The following REEP3 variants were observed in gnomAD, a reference collection of about 807,000 sequenced individuals.
REEP3 encodes receptor accessory protein 3, also known as receptor expression-enhancing protein 3.
REEP3 carries 20 observed loss-of-function variants against 41.3 expected under a neutral mutation model. The observed-to-expected ratio is 0.48, with a 90% CI of 0.34 to 0.70. REEP3 has a LOEUF of 0.70. Among genes scored for constraint, REEP3 ranks in the 30% least tolerant of loss-of-function variants. REEP3 has a pLI of 0.01. For synonymous variants in REEP3, 104 were observed against 101.8 expected, an observed-to-expected ratio of 1.02 and a Z score of -0.13; for missense variants, 271 against 308.8, an observed-to-expected ratio of 0.88 and a Z score of 0.92.
In REEP3 at chr10:63,521,498, C is replaced by G. The variant is rs1454857210; in HGVS notation, c.-48C>G. 9.0e-6 allele frequency: 12 copies of G among 1,331,190 alleles called. No homozygotes were observed. The Admixed American group carries it at 1.2e-4, about 13-fold the overall frequency. The allele number at this position is 1,331,190 out of a possible 1,614,324, so 82.5% of individuals were successfully genotyped here. ...CTGCCGTTGGCGGCCTGGTCCGCAG[C>G]GCCCTGCGCCCACCCGCCCCGGACG... On this transcript the variant is annotated 5_prime_UTR_variant, in exon 1 of 8. Coordinates refer to ENST00000373758, the MANE Select transcript of REEP3 (RefSeq NM_001001330.3).
chr10:63,598,292 CA>C, intron 4 of REEP3, 148 bp downstream of exon 4: 1 of 475,766 alleles, frequency 2.1e-6, no homozygotes, highest in Non-Finnish European at 3.7e-6. Flanking sequence ...CCAGCCTGGC[CA>C]ACATGGTGAA....
intron 1 of REEP3, among the ~76,000 whole-genome samples, chr10:63,557,635 G>C (rs905901210): frequency 6.6e-6 from 1 of 152,140 alleles, no homozygotes; most frequent in Non-Finnish European, 1.5e-5. Flanking sequence ...TGGCACCTTA[G>C]AGCTGCATTT....
chr10:63,606,168 A>G, intron 5 of REEP3: 1 of 825,308 alleles, frequency 1.2e-6, no homozygotes, highest in Non-Finnish European at 1.5e-6. Flanking sequence ...TAAAGTGCTG[A>G]AATATGGAAT....
intron 5 of REEP3, among the ~76,000 whole-genome samples, chr10:63,602,116 A>G (rs550951558): frequency 6.6e-6 from 1 of 151,792 alleles, no homozygotes; most frequent in Non-Finnish European, 1.5e-5. Context: ...TGAAAAAGGA[A>G]AAAAAAAGGC....
chr10:63,543,238 T>G (rs1955545864), intron 1 of REEP3, among the ~76,000 whole-genome samples: 1 of 152,214 alleles, frequency 6.6e-6, no homozygotes, highest in Non-Finnish European at 1.5e-5. Context: ...CTGTTCTACA[T>G]TGGTTTTCTT....
At chr10:63,540,526 A>G (rs543582507) in intron 1 of REEP3, among the ~76,000 whole-genome samples, 2 of 152,324 alleles carry the variant, frequency 1.3e-5, no homozygotes, top group East Asian at 3.9e-4. Context: ...TCTGAAAAGG[A>G]TGGGGAAGGG....
chr10:63,599,658 A>G (rs1589883742), intron 5 of REEP3: 7 of 982,466 alleles, frequency 7.1e-6, no homozygotes, highest in Admixed American at 1.2e-4. Context: ...GTCAATGGCA[A>G]TATCTTGGTA....
intron 2 of REEP3, among the ~76,000 whole-genome samples, chr10:63,585,593 GT>G (rs1452110766): frequency 4.6e-5 from 7 of 152,042 alleles, no homozygotes; most frequent in Non-Finnish European, 1.0e-4. Context: ...CATGTCAAAG[GT>G]TTTGTTTGTA....
intron 6 of REEP3, among the ~76,000 whole-genome samples, chr10:63,619,091 C>T (rs1007243453): frequency 1.3e-5 from 2 of 152,244 alleles, no homozygotes; most frequent in African/African-American, 4.8e-5. Flanking sequence ...TAGCAGCTAA[C>T]ATCCCCATCC....
At chr10:63,524,980 C>T (rs933718207) in intron 1 of REEP3, among the ~76,000 whole-genome samples, 3 of 149,886 alleles carry the variant, frequency 2.0e-5, no homozygotes, top group Non-Finnish European at 3.0e-5. Flanking sequence ...CCACTGCACT[C>T]CAGCCTGGGC....
At chr10:63,592,867 T>G (rs1956077876) in intron 2 of REEP3, among the ~76,000 whole-genome samples, 1 of 152,138 alleles carries the variant, frequency 6.6e-6, no homozygotes, top group Non-Finnish European at 1.5e-5. Context: ...CACTCCACCC[T>G]GGGCGACAGA....
In REEP3 at chr10:63,532,547, A is replaced by G. The variant is rs113406227; in HGVS notation, c.32+10970A>G. 3.8e-3 allele frequency among the ~76,000 whole-genome samples: 584 copies of G among 152,124 alleles called. 5 individuals are homozygous for G. Among genetic ancestry groups the G allele is most frequent in the African/African-American group, 0.013 (548 of 41,504 alleles). ...CGTGTTGGCGGGCGCCTGTAATCCC[A>G]GCTACTCGAAGGGAGGCAGAATGGC... On this transcript the variant is annotated intron_variant, in intron 1 of 7. Coordinates refer to ENST00000373758, the MANE Select transcript of REEP3 (RefSeq NM_001001330.3).
chr10:63,551,581 C>T (rs1223378911), intron 1 of REEP3, among the ~76,000 whole-genome samples: 1 of 152,092 alleles, frequency 6.6e-6, no homozygotes, highest in African/African-American at 2.4e-5. Context: ...GATATTACTC[C>T]CAAAAACCCA....
chr10:63,567,644 A>G (rs780600181), intron 2 of REEP3, among the ~76,000 whole-genome samples: 3 of 152,202 alleles, frequency 2.0e-5, no homozygotes, highest in Non-Finnish European at 2.9e-5. Context: ...GTACTGCTAC[A>G]AACATTCACA....
At chr10:63,566,537 A>T in intron 2 of REEP3, 127 bp downstream of exon 2, 1 of 575,998 alleles carries the variant, frequency 1.7e-6, no homozygotes, top group Non-Finnish European at 3.0e-6. Flanking sequence ...AATGTGAAGT[A>T]ACAAAACTAA....
At chr10:63,574,059 G>T (rs1288876959) in intron 2 of REEP3, among the ~76,000 whole-genome samples, 1 of 152,060 alleles carries the variant, frequency 6.6e-6, no homozygotes, top group Non-Finnish European at 1.5e-5. Flanking sequence ...AGTTCCCCAG[G>T]CTCCCATCCC....
intron 2 of REEP3, among the ~76,000 whole-genome samples, chr10:63,574,847 CTTTTTTTTTTTTTT>C (rs56001048): frequency 3.4e-5 from 2 of 58,890 alleles, no homozygotes; most frequent in Non-Finnish European, 6.1e-5. Flanking sequence ...AGGTCAATTT[CTTTTTTTTTTTTTT>C]TTTTTTTTTT....
intron 2 of REEP3, among the ~76,000 whole-genome samples, chr10:63,588,192 T>C (rs1302619775): frequency 6.6e-6 from 1 of 152,220 alleles, no homozygotes; most frequent in Non-Finnish European, 1.5e-5. Flanking sequence ...AACTCTCTTC[T>C]GGACACAGCC....
At chr10:63,529,313 C>G (rs928457723) in intron 1 of REEP3, among the ~76,000 whole-genome samples, 1 of 152,144 alleles carries the variant, frequency 6.6e-6, no homozygotes, top group Non-Finnish European at 1.5e-5. Flanking sequence ...TGTACTGTTA[C>G]TAAAAACAAT....
Sources: allele counts gnomAD v4.1 joint callset (sites outside exome capture counted in the v4.1 genomes callset), GRCh38; gene constraint gnomAD v4.1.1; transcripts MANE v1.5; gene names NCBI Gene and HGNC (gene_info 2026-07-23, HGNC 2026-07-21).